Variants in CFAP47 observed in about 807,000 individuals in gnomAD.
The protein encoded by CFAP47 is cilia- and flagella-associated protein 47.
In CFAP47, 29 loss-of-function variants were observed where a neutral mutation model predicts 148.1. The ratio of observed to expected loss-of-function variants is 0.20; its 90% CI spans 0.15 to 0.27. CFAP47 has a LOEUF of 0.27. Ranked by LOEUF, CFAP47 falls within the 10% of genes least tolerant of loss-of-function variation. CFAP47 has a pLI of 1.00. For missense variants in CFAP47, 1,872 were observed against 1,697.5 expected (o/e 1.10, Z -1.81); for synonymous variants, 664 against 577.3 (o/e 1.15, Z -2.15).
chrX:36,199,838 CT>C (rs1555987776), intron 42 of CFAP47, among the ~76,000 whole-genome samples: 99 of 111,463 alleles, frequency 8.9e-4, no homozygotes, highest in African/African-American at 3.1e-3. Flanking sequence ...TTTAATGCCT[CT>C]CTGGGACGGA....
At chrX:36,350,684 AT>A (rs1226681907) in intron 59 of CFAP47, among the ~76,000 whole-genome samples, 1 of 100,223 alleles carries the variant, frequency 1.0e-5, no homozygotes, top group Non-Finnish European at 2.0e-5. Flanking sequence ...TATTATTATT[AT>A]TTATTTATTT....
intron 22 of CFAP47, among the ~76,000 whole-genome samples, chrX:36,026,976 A>G (rs1293751587): frequency 9.3e-6 from 1 of 107,833 alleles, no homozygotes; most frequent in African/African-American, 3.3e-5. Context: ...TTTTTCTTCT[A>G]TATCCATTAT....
chrX:36,248,156 CAT>C (rs1239020910), intron 48 of CFAP47, among the ~76,000 whole-genome samples: 1 of 105,012 alleles, frequency 9.5e-6, no homozygotes, highest in African/African-American at 3.4e-5. Flanking sequence ...ATACACATAT[CAT>C]ATATGTATTA....
intron 2 of CFAP47, among the ~76,000 whole-genome samples, chrX:35,929,092 C>T (rs1039570410): frequency 4.5e-5 from 5 of 111,358 alleles, no homozygotes; most frequent in Non-Finnish European, 7.5e-5. Context: ...TAATTCCTCA[C>T]GTGTTATTCT....
intron 58 of CFAP47, among the ~76,000 whole-genome samples, chrX:36,349,308 G>A (rs184713336): frequency 1.6e-4 from 18 of 111,412 alleles, no homozygotes; most frequent in African/African-American, 5.9e-4. Flanking sequence ...CTGTTGCCCA[G>A]GGTGGAGTGC....
chrX:36,055,992 A>G (rs190462221), intron 26 of CFAP47, among the ~76,000 whole-genome samples: 3 of 106,856 alleles, frequency 2.8e-5, no homozygotes, highest in Admixed American at 2.1e-4. Flanking sequence ...TCCTTTGCCC[A>G]TTTTTTAATG....
intron 60 of CFAP47, among the ~76,000 whole-genome samples, chrX:36,356,112 A>G (rs1189932021): frequency 8.9e-6 from 1 of 111,873 alleles, no homozygotes; most frequent in African/African-American, 3.2e-5. Context: ...TAGGAGAGCA[A>G]TCTCTCTCAA....
chrX:35,960,720 A>G lies in CFAP47; in HGVS notation c.1410+4524A>G, dbSNP rs1569215666. On this transcript the variant is annotated intron_variant, in intron 8 of 63. Transcript: ENST00000378653. ...TTTGTTTTCTGCATATTGACCTTGT[A>G]TTCTGCAAATTTGCTGAACTCATTT... Among the ~76,000 whole-genome samples, 4 of 111,623 alleles carry G rather than the reference A, an allele frequency of 3.6e-5. No individual in the cohort carries two copies. The Admixed American group carries it at 3.8e-4, about 11-fold the overall frequency.
chrX:35,928,590 C>T (rs1027795684), intron 2 of CFAP47, among the ~76,000 whole-genome samples: 1 of 110,721 alleles, frequency 9.0e-6, no homozygotes, highest in African/African-American at 3.3e-5. Flanking sequence ...ATATGTTCTC[C>T]CAGTTTGAGG....
chrX:36,215,839 A>C (rs1330832144), intron 45 of CFAP47, among the ~76,000 whole-genome samples: 1 of 111,392 alleles, frequency 9.0e-6, no homozygotes, highest in African/African-American at 3.3e-5. Flanking sequence ...TGTTTACCCT[A>C]CCTCCATTAA....
At chrX:36,276,285 C>A (rs1941016516) in intron 49 of CFAP47, among the ~76,000 whole-genome samples, 1 of 110,921 alleles carries the variant, frequency 9.0e-6, no homozygotes, top group South Asian at 3.8e-4. Flanking sequence ...GTGGATTTTG[C>A]AAAATAACTC....
Position 36,208,989 on chromosome X carries a change from CA to C in CFAP47, c.6817+3886del, listed in dbSNP as rs781836893. ...CTCCCCCAAAATAAAAACAAACAAA[CA>C]AAAAAACCAAAAACTTATGAAACAT... On this transcript the variant is annotated intron_variant, in intron 45 of 63. Transcript: ENST00000378653. Among the ~76,000 whole-genome samples the C allele has an allele frequency of 3.8e-3, 424 of 111,365 alleles. 1 individual carries two copies. Among genetic ancestry groups the C allele is most frequent in the African/African-American group, 0.013 (410 of 30,662 alleles).
At chrX:36,370,261 C>T (rs1184418230) in intron 62 of CFAP47, among the ~76,000 whole-genome samples, 1 of 95,514 alleles carries the variant, frequency 1.0e-5, no homozygotes, top group East Asian at 3.4e-4. Flanking sequence ...GCCCCCCACC[C>T]CCCAGCAGGC....
intron 48 of CFAP47, among the ~76,000 whole-genome samples, chrX:36,240,698 G>T (rs781794335): frequency 1.8e-5 from 2 of 110,910 alleles, no homozygotes; most frequent in African/African-American, 3.3e-5. Flanking sequence ...TAATGGAAAA[G>T]AAATAGTTTT....
intron 49 of CFAP47, among the ~76,000 whole-genome samples, chrX:36,275,282 C>T (rs1556002493): frequency 9.1e-6 from 1 of 109,562 alleles, no homozygotes; most frequent in African/African-American, 3.3e-5. Context: ...CCATGTTGCT[C>T]AGGCTGGTCT....
chrX:36,012,259 G>A (rs1403741262), intron 21 of CFAP47, among the ~76,000 whole-genome samples: 2 of 111,517 alleles, frequency 1.8e-5, no homozygotes, highest in Non-Finnish European at 3.8e-5. Flanking sequence ...ACAGTGTGAC[G>A]ATTTCTCAAG....
At chrX:36,023,868 C>A (rs367553276) in intron 22 of CFAP47, among the ~76,000 whole-genome samples, 1 of 112,014 alleles carries the variant, frequency 8.9e-6, no homozygotes, top group Non-Finnish European at 1.9e-5. Flanking sequence ...GGGCTCCCCC[C>A]GGCCCAGGGC....
intron 55 of CFAP47, 73 bp downstream of exon 55, chrX:36,306,949 T>A: frequency 2.4e-6 from 1 of 425,249 alleles, no homozygotes; most frequent in Non-Finnish European, 3.7e-6. Flanking sequence ...ATATAATTCA[T>A]CATTCACTCA....
At chrX:36,038,870 C>T (rs1391427319) in intron 24 of CFAP47, 114 bp from the exon 25 acceptor site, 24 of 365,388 alleles carry the variant, frequency 6.6e-5, no homozygotes, top group Non-Finnish European at 9.8e-5. Context: ...TTTATTCTGT[C>T]CCATTAAGTT....
Sources: allele counts gnomAD v4.1 joint callset (sites outside exome capture counted in the v4.1 genomes callset), GRCh38; gene constraint gnomAD v4.1.1; transcripts MANE v1.5; gene names NCBI Gene and HGNC (gene_info 2026-07-23, HGNC 2026-07-21).